Variants in GFRA1 observed in about 807,000 individuals in gnomAD.
GFRA1 encodes the protein GDNF family receptor alpha 1, also known as GDNF family receptor alpha-1.
In GFRA1, 16 loss-of-function variants were observed where a neutral mutation model predicts 51.6. The observed-to-expected ratio is 0.31, with a 90% CI of 0.21 to 0.47. The LOEUF is 0.47. Among genes scored for constraint, GFRA1 ranks in the 20% least tolerant of loss-of-function variants. The pLI, the probability that GFRA1 is intolerant of heterozygous loss-of-function variation, is 1.00. For missense variants in GFRA1, 530 were observed against 594.3 expected (o/e 0.89, Z 1.13); for synonymous variants, 270 against 241.3 (o/e 1.12, Z -1.10).
chr10:116,248,944 A>G (rs1417322189), intron 4 of GFRA1, among the ~76,000 whole-genome samples: 11 of 152,124 alleles, frequency 7.2e-5, no homozygotes, highest in Non-Finnish European at 1.6e-4. Flanking sequence ...CTGAGTCTGC[A>G]GGCCAGCTCC....
intron 5 of GFRA1, among the ~76,000 whole-genome samples, chr10:116,145,011 T>G (rs369014427): frequency 6.6e-6 from 1 of 151,548 alleles, no homozygotes; most frequent in African/African-American, 2.4e-5. Context: ...TAGCCAGGCA[T>G]GGTGGTGCGC....
intron 4 of GFRA1, among the ~76,000 whole-genome samples, chr10:116,267,239 C>G (rs566981988): frequency 6.6e-6 from 1 of 152,054 alleles, no homozygotes; most frequent in Non-Finnish European, 1.5e-5. Context: ...CCGAGGCAGG[C>G]GGATCTCTTG....
At chr10:116,195,645 A>T (rs1373095932) in intron 5 of GFRA1, among the ~76,000 whole-genome samples, 1 of 152,208 alleles carries the variant, frequency 6.6e-6, no homozygotes, top group Non-Finnish European at 1.5e-5. Flanking sequence ...GGTTTCTAAC[A>T]GGCCATGGAC....
intron 9 of GFRA1, among the ~76,000 whole-genome samples, chr10:116,078,245 C>T (rs1955699857): frequency 6.6e-6 from 1 of 152,200 alleles, no homozygotes; most frequent in Non-Finnish European, 1.5e-5. Context: ...TGAATTCAAG[C>T]ACTTTCTTGG....
chr10:116,213,485 G>A (rs1025396973), intron 4 of GFRA1, among the ~76,000 whole-genome samples: 2 of 152,104 alleles, frequency 1.3e-5, no homozygotes, highest in Non-Finnish European at 2.9e-5. Context: ...GGAATTCAGG[G>A]TCACCTTTTT....
chr10:116,269,508 A>T lies in GFRA1; in HGVS notation c.413T>A (p.Ile138Lys). The change falls in exon 4 of 11, where the codon ATA becomes AAA. Residue 138 changes from isoleucine to lysine, a missense_variant. Transcript: ENST00000355422. ...GGAAGTATAAATCTGCTTACCTGATATGAATGGGACCACCCGGAATATATC... is the reference window on the plus strand; with the variant it reads ...GGAAGTATAAATCTGCTTACCTGATTTGAATGGGACCACCCGGAATATATC... The part of the protein sequence containing the change: ...LSDIFRVVPF[I>K]SDVFQQVEHI... 1.3e-6 allele frequency: 2 copies of T among 1,576,326 alleles called. No homozygotes were observed. Among genetic ancestry groups the T allele is most frequent in the Non-Finnish European group, 1.7e-6 (2 of 1,145,582 alleles).
At chr10:116,115,725 G>A (rs902631678) in intron 6 of GFRA1, among the ~76,000 whole-genome samples, 1 of 152,016 alleles carries the variant, frequency 6.6e-6, no homozygotes, top group African/African-American at 2.4e-5. Context: ...TGTAGGAAAC[G>A]GAAACACCCC....
At chr10:116,180,786 C>A (rs966408262) in intron 5 of GFRA1, among the ~76,000 whole-genome samples, 1 of 152,134 alleles carries the variant, frequency 6.6e-6, no homozygotes, top group African/African-American at 2.4e-5. Context: ...TCTGGGTTTC[C>A]ACCACCCCTC....
At position 116,062,746 on chromosome 10, in the gene GFRA1, T is replaced by C. The variant is rs1194897639; in HGVS notation, c.*1652A>G. The C allele has an allele frequency of 6.6e-6, 1 of 152,190 alleles. No individual in the cohort carries two copies. The highest frequency in any genetic ancestry group is 1.5e-5 in the Non-Finnish European group (1 of 68,034). 9.4% of individuals were successfully genotyped at this position (152,190 alleles called of 1,614,324 possible). A position where few individuals can be genotyped will look rare whatever the true frequency, so the allele number is the denominator to read the frequency against. ...AAAAGTGGCCACCAGTACTCGATCA[T>C]TGTAGATTCGGAATCTCGCCATCTA... On this transcript the variant is annotated 3_prime_UTR_variant, in exon 11 of 11. Transcript: ENST00000355422.
chr10:116,211,583 C>T (rs774545268), intron 5 of GFRA1, 48 bp downstream of exon 5: 51 of 1,516,714 alleles, frequency 3.4e-5, no homozygotes, highest in Non-Finnish European at 4.6e-5. Flanking sequence ...CCCATGTTCC[C>T]CAAAGAGCAC....
chr10:116,092,158 T>G (rs1179576119), intron 8 of GFRA1, among the ~76,000 whole-genome samples: 1 of 139,490 alleles, frequency 7.2e-6, no homozygotes, highest in Non-Finnish European at 1.6e-5. Context: ...CGAGACCAAA[T>G]AAGAGGTCCA....
intron 1 of GFRA1, 86 bp downstream of exon 1, chr10:116,273,077 G>A (rs1844078412): frequency 6.6e-6 from 1 of 152,220 alleles, no homozygotes; most frequent in South Asian, 2.1e-4. Flanking sequence ...GTGGCCGGAG[G>A]AGGGGGGAAG....
chr10:116,207,274 G>C (rs1336393579), intron 5 of GFRA1, among the ~76,000 whole-genome samples: 1 of 152,244 alleles, frequency 6.6e-6, no homozygotes, highest in East Asian at 1.9e-4. Flanking sequence ...CTAATCACCT[G>C]TCACCAATCT....
At position 116,196,706 on chromosome 10, in the gene GFRA1, T is replaced by TAA. The variant is rs1491440664; in HGVS notation, c.433+14924_433+14925insTT. 9.7e-4 allele frequency among the ~76,000 whole-genome samples: 48 copies of TAA among 49,468 alleles called. 10 individuals carry two copies. The highest frequency in any genetic ancestry group is 4.0e-3 in the African/African-American group (38 of 9,424). The allele number at this position is 49,468 out of a possible 152,430, so 32.5% of individuals were successfully genotyped here. On this transcript the variant is annotated intron_variant, in intron 5 of 10. Transcript: ENST00000355422. ...TATATAGTACTATATATAATATATA[T>TAA]TATATATAGTACTATATATAATATA...
At chr10:116,191,732 A>C (rs1039719564) in intron 5 of GFRA1, among the ~76,000 whole-genome samples, 13 of 152,228 alleles carry the variant, frequency 8.5e-5, no homozygotes, top group African/African-American at 3.1e-4. Flanking sequence ...TTTCAGTTAA[A>C]GGTAGATTAG....
chr10:116,068,341 C>T (rs552882683), intron 9 of GFRA1, among the ~76,000 whole-genome samples: 11 of 152,314 alleles, frequency 7.2e-5, no homozygotes, highest in African/African-American at 2.4e-4. Flanking sequence ...CCACCTAAAC[C>T]TGGCACGGGC....
chr10:116,130,657 G>A lies in GFRA1; in HGVS notation c.434-5100C>T, dbSNP rs539998401. Among the ~76,000 whole-genome samples the A allele has an allele frequency of 6.4e-4, 97 of 152,122 alleles. No homozygotes were observed. The South Asian group carries it at 0.019, about 29-fold the overall frequency. On this transcript the variant is annotated intron_variant, in intron 5 of 10. Coordinates refer to ENST00000355422, the MANE Select transcript of GFRA1 (RefSeq NM_005264.8). ...GCAACACTGAAGAAATCCAATGGGGGAAGAGAGTCTTTTCAACATATGGTA... is the reference window on the plus strand; with the variant it reads ...GCAACACTGAAGAAATCCAATGGGGAAAGAGAGTCTTTTCAACATATGGTA...
intron 5 of GFRA1, among the ~76,000 whole-genome samples, chr10:116,184,964 T>C (rs139179758): frequency 6.6e-6 from 1 of 152,322 alleles, no homozygotes; most frequent in Non-Finnish European, 1.5e-5. Context: ...CCAGCACCTC[T>C]GTTCCTCAAA....
chr10:116,236,508 G>A (rs996104647), intron 4 of GFRA1, among the ~76,000 whole-genome samples: 3 of 152,034 alleles, frequency 2.0e-5, no homozygotes, highest in Admixed American at 6.5e-5. Context: ...GGAAGCAGGC[G>A]ATCTGAGAAA....
Sources: gnomAD v4.1 joint callset for allele counts (sites outside exome capture counted in the v4.1 genomes callset) on GRCh38, gnomAD v4.1.1 for gene constraint, MANE v1.5 for transcripts, NCBI Gene and HGNC (gene_info 2026-07-23, HGNC 2026-07-21) for gene names.